Variants in PTPRC observed in about 807,000 individuals in gnomAD.
PTPRC encodes the protein protein tyrosine phosphatase receptor type C.
PTPRC carries 44 observed loss-of-function variants against 155.9 expected under a neutral mutation model. That is an observed-to-expected ratio of 0.28 (90% CI 0.22 to 0.36). PTPRC has a LOEUF of 0.36. PTPRC is among the 10% of genes least tolerant of loss of function. The pLI is 1.00. For missense variants in PTPRC, 1,401 were observed against 1,564.6 expected (o/e 0.90, Z 1.76); for synonymous variants, 525 against 533.1 (o/e 0.98, Z 0.21).
At chr1:198,707,335 A>G (rs1364436931) in intron 9 of PTPRC, among the ~76,000 whole-genome samples, 1 of 152,188 alleles carries the variant, frequency 6.6e-6, no homozygotes, top group African/African-American at 2.4e-5. Context: ...ATTAGGGAGA[A>G]ACATAAAGGA....
At chr1:198,754,475 C>CTT (rs1168333606) in intron 32 of PTPRC, 71 bp downstream of exon 32, 112 of 1,530,728 alleles carry the variant, frequency 7.3e-5, no homozygotes, top group South Asian at 5.4e-4. Flanking sequence ...TTCCTTTTTT[C>CTT]TTTTCTCCTC....
chr1:198,709,292 C>G (rs1653161108), intron 10 of PTPRC, among the ~76,000 whole-genome samples: 1 of 151,990 alleles, frequency 6.6e-6, no homozygotes, highest in Non-Finnish European at 1.5e-5. Context: ...AGAAACATAA[C>G]ACAGAATTTA....
chr1:198,742,067 A>C lies in PTPRC; in HGVS notation c.2561+41A>C, dbSNP rs374034081. ...AAAAAAAAAAAACAACAACAAAAAAACTCCAACAGAATCCACCTGCCTAGG... is the reference window on the plus strand; with the variant it reads ...AAAAAAAAAAAACAACAACAAAAAACCTCCAACAGAATCCACCTGCCTAGG... On this transcript the variant is annotated intron_variant, in intron 24 of 32. Coordinates refer to ENST00000442510, the MANE Select transcript of PTPRC (RefSeq NM_002838.5). 1.9e-5 allele frequency: 30 copies of C among 1,607,602 alleles called. No individual in the cohort carries two copies. The African/African-American group carries it at 3.9e-4, about 21-fold the overall frequency.
At chr1:198,714,009 A>T (rs1193418677) in intron 12 of PTPRC, among the ~76,000 whole-genome samples, 2 of 152,216 alleles carry the variant, frequency 1.3e-5, no homozygotes, top group Non-Finnish European at 1.5e-5. Flanking sequence ...TCAAATTAAC[A>T]TTCAAAGGCC....
intron 12 of PTPRC, among the ~76,000 whole-genome samples, chr1:198,714,781 T>G (rs932625423): frequency 2.6e-5 from 4 of 152,234 alleles, no homozygotes; most frequent in Non-Finnish European, 5.9e-5. Flanking sequence ...TAAATAAAAT[T>G]ACTATTAAAA....
At chr1:198,723,365 C>T (rs544621673) in intron 15 of PTPRC, among the ~76,000 whole-genome samples, 26 of 152,146 alleles carry the variant, frequency 1.7e-4, no homozygotes, top group African/African-American at 6.3e-4. Context: ...TATGCATGTG[C>T]ACAATCACTG....
chr1:198,716,720 T>C lies in PTPRC; in HGVS notation c.1330T>C (p.Tyr444His). ...CLNLDKNLIKYDLQNLKPYTK... is the reference protein window; with the variant it reads ...CLNLDKNLIKHDLQNLKPYTK... Reference sequence around the variant, plus strand: ...CAATCTGGATAAAAACCTGATCAAATATGATTTGCAAAATTTAAAACCTTA... The same window carrying C: ...CAATCTGGATAAAAACCTGATCAAACATGATTTGCAAAATTTAAAACCTTA... Residue 444 changes from tyrosine to histidine, a missense_variant, in exon 13 of 33, where the codon TAT becomes CAT. Tyr to His is a moderately conservative substitution (Grantham distance 83). Around this residue, in one of 3 missense-constraint regions of PTPRC, gnomAD observed 867 missense variants for 970.4 expected, o/e 0.89. Coordinates refer to ENST00000442510, the MANE Select transcript of PTPRC (RefSeq NM_002838.5). 1 of 1,612,436 alleles carries C rather than the reference T, an allele frequency of 6.2e-7. No individual in the cohort carries two copies.
chr1:198,722,508 A>ATC, intron 15 of PTPRC, 32 bp downstream of exon 15: 17 of 1,181,968 alleles, frequency 1.4e-5, no homozygotes, highest in South Asian at 4.2e-5. Flanking sequence ...TATTATATAT[A>ATC]TTAAGATATA....
At chr1:198,703,449 A>G in intron 7 of PTPRC, 77 bp downstream of exon 7, 2 of 1,602,744 alleles carry the variant, frequency 1.2e-6, no homozygotes, top group South Asian at 2.2e-5. Flanking sequence ...CCTTCCACCC[A>G]CTCTACCTCG....
rs143814848 is a variant in PTPRC, at chr1:198,639,245, T to A, written c.-24T>A. 1 of 1,610,840 alleles carries A rather than the reference T, an allele frequency of 6.2e-7. No individual in the cohort carries two copies. Among genetic ancestry groups the A allele is most frequent in the African/African-American group, 1.3e-5 (1 of 74,836 alleles). On this transcript the variant is annotated 5_prime_UTR_variant, in exon 2 of 33. Coordinates refer to ENST00000442510, the MANE Select transcript of PTPRC (RefSeq NM_002838.5). ...TTTCAGAAGGACGCATGCTGTTTCT[T>A]AGGGACACGGCTGACTTCCAGATAT...
At chr1:198,735,065 A>G in intron 22 of PTPRC, 62 bp from the exon 23 acceptor site, 1 of 1,407,690 alleles carries the variant, frequency 7.1e-7, no homozygotes, top group Non-Finnish European at 9.7e-7. Flanking sequence ...GTTTAAAGAA[A>G]GTTTGATAAA....
At chr1:198,688,497 G>T (rs983747834) in intron 2 of PTPRC, among the ~76,000 whole-genome samples, 5 of 152,104 alleles carry the variant, frequency 3.3e-5, no homozygotes, top group African/African-American at 1.2e-4. Flanking sequence ...TTTAATAATT[G>T]TGCTTGATAT....
intron 2 of PTPRC, among the ~76,000 whole-genome samples, chr1:198,681,068 T>C (rs192622453): frequency 4.6e-5 from 7 of 152,314 alleles, no homozygotes; most frequent in Admixed American, 2.0e-4. Flanking sequence ...TCGGTAAATG[T>C]TCCTTCTTTA....
At chr1:198,646,161 G>T (rs1045332053) in intron 2 of PTPRC, among the ~76,000 whole-genome samples, 5 of 151,690 alleles carry the variant, frequency 3.3e-5, no homozygotes, top group African/African-American at 1.2e-4. Context: ...ATTCCCTGAT[G>T]ATTATATATA....
At chr1:198,680,788 C>CCT (rs1665276314) in intron 2 of PTPRC, among the ~76,000 whole-genome samples, 1 of 152,118 alleles carries the variant, frequency 6.6e-6, no homozygotes, top group Non-Finnish European at 1.5e-5. Flanking sequence ...AATTCAAGGA[C>CCT]TGTGTACCGA....
intron 17 of PTPRC, among the ~76,000 whole-genome samples, chr1:198,730,749 A>G (rs1234584149): frequency 6.6e-6 from 1 of 152,172 alleles, no homozygotes; most frequent in Non-Finnish European, 1.5e-5. Flanking sequence ...ATGAATGAAT[A>G]CCAGGCATTC....
rs72738067 is a variant in PTPRC at position 198,728,462 on chromosome 1, T to A, written c.1829+14T>A. 25,105 of 1,610,064 alleles carry A rather than the reference T, an allele frequency of 0.016. 279 individuals carry two copies. Among genetic ancestry groups the A allele is most frequent in the Non-Finnish European group, 0.016 (19,096 of 1,178,238 alleles). ...GAAAAGATCCTGGTAAGAGTTGATT[T>A]TAAATTTTTAAATAATAATGGTATT... On this transcript the variant is annotated intron_variant, in intron 16 of 32. Transcript: ENST00000442510.
At chr1:198,685,834 T>A (rs1665590990) in intron 2 of PTPRC, among the ~76,000 whole-genome samples, 1 of 152,134 alleles carries the variant, frequency 6.6e-6, no homozygotes, top group Admixed American at 6.5e-5. Context: ...TTAGGGCAGA[T>A]GCTGAGAATA....
chr1:198,666,593 C>T (rs1014460047), intron 2 of PTPRC, among the ~76,000 whole-genome samples: 14 of 152,066 alleles, frequency 9.2e-5, no homozygotes, highest in African/African-American at 2.7e-4. Flanking sequence ...TTCAAATATG[C>T]GGAGGGCTAT....
Sources: allele counts gnomAD v4.1 joint callset (sites outside exome capture counted in the v4.1 genomes callset), GRCh38; gene constraint gnomAD v4.1.1; regional missense constraint gnomAD v4.1.1; transcripts MANE v1.5; gene names NCBI Gene and HGNC (gene_info 2026-07-23, HGNC 2026-07-21).